NKD1: variants seen among roughly 807,000 people sequenced by gnomAD.
NKD1 encodes the protein protein naked cuticle homolog 1.
A neutral mutation model predicts 56.0 loss-of-function variants in NKD1; 21 were observed. The ratio of observed to expected loss-of-function variants is 0.38; its 90% CI spans 0.27 to 0.54. The LOEUF (loss-of-function observed/expected upper bound fraction) is 0.54. Ranked by LOEUF, NKD1 falls within the 20% of genes least tolerant of loss-of-function variation. The pLI, the probability that NKD1 is intolerant of heterozygous loss-of-function variation, is 0.82. For synonymous variants in NKD1, 263 were observed against 265.7 expected, an observed-to-expected ratio of 0.99 and a Z score of 0.10; for missense variants, 578 against 642.7, an observed-to-expected ratio of 0.90 and a Z score of 1.09.
At position 50,623,482 on chromosome 16, in the gene NKD1, G is replaced by C. The variant is rs56164643; in HGVS notation, c.366+1774G>C. ...TTGGCAAAGCCCAGGGCTGAACTCA[G>C]TGGCAGAAGGAAGACCAGGCCCAGG... On this transcript the variant is annotated intron_variant, in intron 5 of 9. Transcript: ENST00000268459. This position sits in a 1 kb window ranked among gnomAD's most constrained non-coding sequence, Gnocchi z 4.1. Among the ~76,000 whole-genome samples, 5,146 of 152,226 alleles carry C rather than the reference G, an allele frequency of 0.034. 312 individuals carry two copies. Among genetic ancestry groups the C allele is most frequent in the African/African-American group, 0.12 (4,792 of 41,518 alleles).
chr16:50,596,463 A>C (rs1418183040), intron 3 of NKD1, among the ~76,000 whole-genome samples: 1 of 152,030 alleles, frequency 6.6e-6, no homozygotes, highest in Non-Finnish European at 1.5e-5. Context: ...GTGACCTGGA[A>C]TCCAGCACCG....
intron 4 of NKD1, among the ~76,000 whole-genome samples, chr16:50,616,580 G>T (rs527836840): frequency 6.6e-6 from 1 of 152,290 alleles, no homozygotes; most frequent in African/African-American, 2.4e-5. Flanking sequence ...TCTCTGCCCT[G>T]TGCACGTATG....
intron 4 of NKD1, among the ~76,000 whole-genome samples, chr16:50,618,803 G>A (rs1288109614): frequency 6.6e-6 from 1 of 152,176 alleles, no homozygotes; most frequent in Non-Finnish European, 1.5e-5. Flanking sequence ...GATGGGATGA[G>A]GGAGCCACTG....
intron 3 of NKD1, among the ~76,000 whole-genome samples, chr16:50,602,688 A>G (rs367561393): frequency 2.0e-5 from 3 of 152,144 alleles, no homozygotes; most frequent in Admixed American, 2.0e-4. Flanking sequence ...ATCTCATGGC[A>G]TACATGGGTT....
intron 4 of NKD1, among the ~76,000 whole-genome samples, chr16:50,609,650 C>A (rs1327719383): frequency 1.3e-5 from 2 of 152,188 alleles, no homozygotes; most frequent in African/African-American, 4.8e-5. Context: ...CCAGCCCAGG[C>A]CTGCTGAATC....
intron 3 of NKD1, among the ~76,000 whole-genome samples, chr16:50,554,922 G>T (rs1225173443): frequency 6.6e-6 from 1 of 152,170 alleles, no homozygotes; most frequent in African/African-American, 2.4e-5. Flanking sequence ...ACTTGGCCTT[G>T]TTATTAATTA....
chr16:50,549,314 C>T (rs370814966), intron 2 of NKD1, 108 bp from the exon 3 acceptor site: 54 of 1,414,550 alleles, frequency 3.8e-5, no homozygotes, highest in African/African-American at 2.4e-4. Flanking sequence ...CCTCCTGGCC[C>T]CCGTGCCGTG....
intron 4 of NKD1, among the ~76,000 whole-genome samples, chr16:50,609,665 C>T (rs1961798628): frequency 1.3e-5 from 2 of 152,222 alleles, no homozygotes; most frequent in South Asian, 4.1e-4. Context: ...TGAATCCGAT[C>T]TGCATTTTAA....
In NKD1 at chr16:50,548,441, T is replaced by A; in HGVS notation, c.-113T>A. 2.3e-6 allele frequency: 1 copy of A among 434,880 alleles called. No individual in the cohort carries two copies. Among genetic ancestry groups the A allele is most frequent in the Non-Finnish European group, 3.1e-6 (1 of 322,626 alleles). The allele number at this position is 434,880 out of a possible 1,614,324, so 26.9% of individuals were successfully genotyped here. ...GGCAGGAGCGCGTCCCGGCGCCGCC[T>A]CGGGCTCCGCTCGGCTCGGGGGCTG... is the stretch of plus-strand genomic sequence containing the variant. On this transcript the variant is annotated 5_prime_UTR_variant, in exon 1 of 10. Transcript: ENST00000268459.
intron 3 of NKD1, among the ~76,000 whole-genome samples, chr16:50,593,229 C>A (rs534293321): frequency 6.6e-6 from 1 of 152,240 alleles, no homozygotes; most frequent in African/African-American, 2.4e-5. Context: ...AGCGAGTGAG[C>A]AGGACTCACT....
chr16:50,566,870 G>C (rs1960770474), intron 3 of NKD1, among the ~76,000 whole-genome samples: 1 of 152,196 alleles, frequency 6.6e-6, no homozygotes, highest in African/African-American at 2.4e-5. Context: ...CCCTCAAGGA[G>C]TGAGTAACAA....
chr16:50,634,904 G>C lies in NKD1; in HGVS notation c.*1123G>C, dbSNP rs1301766591. 3.3e-5 allele frequency: 5 copies of C among 152,358 alleles called. No homozygotes were observed. In the East Asian group the frequency reaches 9.4e-4, roughly 29 times the overall value. 9.4% of individuals were successfully genotyped at this position (152,358 alleles called of 1,614,324 possible). Reference sequence around the variant, plus strand: ...AGAACTGCTGGGGTACAGAAACTTGGTGGGAAAAGGGGACTGTGGCCAGAG... The same window carrying C: ...AGAACTGCTGGGGTACAGAAACTTGCTGGGAAAAGGGGACTGTGGCCAGAG... On this transcript the variant is annotated 3_prime_UTR_variant, in exon 10 of 10. Transcript: ENST00000268459.
intron 4 of NKD1, among the ~76,000 whole-genome samples, chr16:50,612,566 G>A (rs1961870123): frequency 6.6e-6 from 1 of 152,228 alleles, no homozygotes; most frequent in African/African-American, 2.4e-5. Flanking sequence ...GTTTCTAGTA[G>A]TGGTTCTCTG....
Position 50,623,078 on chromosome 16 carries a change from C to A in NKD1, c.366+1370C>A, listed in dbSNP as rs567003846. ...GGGGAGCCTTTGGGGTGAGAAGGGC[C>A]TATCAGGCAGAGGGAGCTGCAGGAG... On this transcript the variant is annotated intron_variant, in intron 5 of 9. Coordinates refer to ENST00000268459, the MANE Select transcript of NKD1 (RefSeq NM_033119.5). This position sits in a 1 kb window ranked among gnomAD's most constrained non-coding sequence, Gnocchi z 4.1. Among the ~76,000 whole-genome samples, 1 of 152,092 alleles carries A rather than the reference C, an allele frequency of 6.6e-6. No individual in the cohort carries two copies. Among genetic ancestry groups the A allele is most frequent in the Non-Finnish European group, 1.5e-5 (1 of 67,996 alleles).
Position 50,633,077 on chromosome 16 carries a change from C to T in NKD1, c.824-115C>T. On this transcript the variant is annotated intron_variant, in intron 9 of 9. Transcript: ENST00000268459. This position sits in a 1 kb window ranked among gnomAD's most constrained non-coding sequence, Gnocchi z 4.9. The stretch of plus-strand genomic sequence containing the variant: ...GCAAGGCAGTGAGGGGCAGTCAGGG[C>T]ATTGGGGGGTAGCTCTGGTTTTGGA... 3.3e-6 allele frequency: 3 copies of T among 918,404 alleles called. No homozygotes were observed. Among genetic ancestry groups the T allele is most frequent in the East Asian group, 2.9e-5 (1 of 34,550 alleles). 56.9% of individuals were successfully genotyped at this position (918,404 alleles called of 1,614,324 possible).
chr16:50,592,506 C>T (rs912444525), intron 3 of NKD1, among the ~76,000 whole-genome samples: 4 of 152,164 alleles, frequency 2.6e-5, no homozygotes, highest in South Asian at 2.1e-4. Context: ...TTTTATGTGT[C>T]GTTTTCCAGG....
At position 50,626,767 on chromosome 16, in the gene NKD1, G is replaced by A. The variant is rs114669484; in HGVS notation, c.462+1187G>A. On this transcript the variant is annotated intron_variant, in intron 6 of 9. Coordinates refer to ENST00000268459, the MANE Select transcript of NKD1 (RefSeq NM_033119.5). ...CCTCTCTGATGACCTGTCCCTCCCC[G>A]AGAGGACCCCATCTTCAGGCACGAG... Among the ~76,000 whole-genome samples the A allele has an allele frequency of 9.2e-3, 1,397 of 152,214 alleles. 22 individuals carry two copies. The highest frequency in any genetic ancestry group is 0.032 in the African/African-American group (1,348 of 41,530).
chr16:50,560,729 T>C (rs1003186898), intron 3 of NKD1, among the ~76,000 whole-genome samples: 5 of 152,008 alleles, frequency 3.3e-5, no homozygotes, highest in African/African-American at 1.2e-4. Flanking sequence ...GAGAAAACAT[T>C]ATATATAGTA....
intron 3 of NKD1, chr16:50,607,288 T>G (rs1961733593): frequency 4.3e-6 from 1 of 233,286 alleles, no homozygotes; most frequent in Non-Finnish European, 8.8e-6. Context: ...AAGCCGTGTT[T>G]TTTCTTTTGT....
Sources: allele counts gnomAD v4.1 joint callset (sites outside exome capture counted in the v4.1 genomes callset), GRCh38; gene constraint gnomAD v4.1.1; non-coding constraint Gnocchi (gnomAD v3.1); transcripts MANE v1.5; gene names NCBI Gene and HGNC (gene_info 2026-07-23, HGNC 2026-07-21).